BASP1: variants seen among roughly 807,000 people sequenced by gnomAD.
The protein encoded by BASP1 is brain abundant membrane attached signal protein 1, also known as brain acid soluble protein 1.
BASP1 carries 1 observed loss-of-function variant against 2.2 expected under a neutral mutation model. The observed-to-expected ratio is 0.46, with a 90% CI of 0.16 to 2.17. BASP1 has a LOEUF of 2.17. BASP1 is among the 30% of genes most tolerant of loss of function. BASP1 has a pLI of 0.27. For missense variants in BASP1, 352 were observed against 327.2 expected, an observed-to-expected ratio of 1.08 and a Z score of -0.58; for synonymous variants, 187 against 154.2, an observed-to-expected ratio of 1.21 and a Z score of -1.58.
intron 1 of BASP1, among the ~76,000 whole-genome samples, chr5:17,245,305 CTCAAAAAAA>C (rs1739955169): frequency 1.6e-5 from 1 of 64,332 alleles, no homozygotes; most frequent in Non-Finnish European, 4.0e-5. Flanking sequence ...GAGACTCCGT[CTCAAAAAAA>C]AAAAAAAAAA....
chr5:17,246,949 GGCTGAGGCCAGCGGATT>G (rs1228203815), intron 1 of BASP1, among the ~76,000 whole-genome samples: 5 of 152,194 alleles, frequency 3.3e-5, no homozygotes, highest in Non-Finnish European at 7.3e-5. Flanking sequence ...CACTTTGTGA[GGCTGAGGCCAGCGGATT>G]GCCTGAGTAC....
intron 1 of BASP1, among the ~76,000 whole-genome samples, chr5:17,250,471 G>A (rs1037962645): frequency 2.6e-5 from 4 of 152,170 alleles, no homozygotes; most frequent in African/African-American, 9.7e-5. Context: ...TCAATGAACA[G>A]ACTTGGCATT....
intron 1 of BASP1, among the ~76,000 whole-genome samples, chr5:17,221,963 C>T (rs1739401210): frequency 6.6e-6 from 1 of 152,028 alleles, no homozygotes; most frequent in Non-Finnish European, 1.5e-5. Context: ...GAATGGCTGG[C>T]TCTGAAGGGC....
rs776411071 is a variant in BASP1, at chr5:17,275,401, C to T, written c.185C>T (p.Ala62Val). ...GGCAAGGAGAAGCCCGACCAGGACG[C>T]CGAGGGCAAGGCCGAGGAGAAGGAG... is the stretch of plus-strand genomic sequence containing the variant. ...KEGKEKPDQD[A>V]EGKAEEKEGE... The change falls in exon 2 of 2, where the codon GCC becomes GTC. Residue 62 changes from alanine (A) to valine (V), a missense_variant. Physicochemically the swap from Ala to Val is moderately conservative, Grantham distance 64. Coordinates refer to ENST00000322611, the MANE Select transcript of BASP1 (RefSeq NM_006317.5). This position sits in a 1 kb window ranked among gnomAD's most constrained non-coding sequence, Gnocchi z 5.3. 45 of 1,577,120 alleles carry T rather than the reference C, an allele frequency of 2.9e-5. No individual in the cohort carries two copies. The highest frequency in any genetic ancestry group is 3.4e-5 in the Non-Finnish European group (40 of 1,162,778).
chr5:17,267,887 T>C (rs1172754998), intron 1 of BASP1, among the ~76,000 whole-genome samples: 1 of 145,980 alleles, frequency 6.9e-6, no homozygotes. Context: ...AAGCTTCACG[T>C]TGAAATGACG....
chr5:17,220,949 G>A (rs1380255849), intron 1 of BASP1, among the ~76,000 whole-genome samples: 7 of 152,106 alleles, frequency 4.6e-5, no homozygotes, highest in East Asian at 1.9e-4. Flanking sequence ...TGTTATTTAC[G>A]GTAGTTTTGT....
At chr5:17,238,098 T>C (rs900231275) in intron 1 of BASP1, among the ~76,000 whole-genome samples, 1 of 152,142 alleles carries the variant, frequency 6.6e-6, no homozygotes, top group Admixed American at 6.6e-5. Flanking sequence ...ATTGACACTT[T>C]ATTTGGTTTG....
intron 1 of BASP1, among the ~76,000 whole-genome samples, chr5:17,227,307 C>T (rs879765163): frequency 6.6e-6 from 1 of 151,970 alleles, no homozygotes; most frequent in Admixed American, 6.6e-5. Context: ...ACAACCTCTG[C>T]CTCCTGGGTT....
intron 1 of BASP1, among the ~76,000 whole-genome samples, chr5:17,218,454 C>G (rs985276196): frequency 4.6e-5 from 7 of 152,228 alleles, no homozygotes; most frequent in African/African-American, 1.7e-4. Context: ...CTCAGAAGCA[C>G]CTCCCGAGCA....
At chr5:17,269,376 C>CT (rs769261855) in intron 1 of BASP1, among the ~76,000 whole-genome samples, 10 of 152,166 alleles carry the variant, frequency 6.6e-5, no homozygotes, top group Non-Finnish European at 1.3e-4. Context: ...GATGCAAACA[C>CT]TTTTTGAGTT....
Position 17,276,816 on chromosome 5 carries a change from G to A in BASP1, c.*916G>A, listed in dbSNP as rs1486463944. On this transcript the variant is annotated 3_prime_UTR_variant, in exon 2 of 2. Coordinates refer to ENST00000322611, the MANE Select transcript of BASP1 (RefSeq NM_006317.5). ...GTATAAATGGTGCAACAGTAATAAA[G>A]TTAAACAATTAAAAAGAAGTAATAA... The A allele has an allele frequency of 6.0e-6, 1 of 166,452 alleles. No homozygotes were observed. Among genetic ancestry groups the A allele is most frequent in the African/African-American group, 2.4e-5 (1 of 41,258 alleles). 10.3% of individuals were successfully genotyped at this position (166,452 alleles called of 1,614,324 possible).
intron 1 of BASP1, among the ~76,000 whole-genome samples, chr5:17,274,344 GACTGAAT>G (rs1740585425): frequency 1.3e-5 from 2 of 152,112 alleles, no homozygotes; most frequent in Non-Finnish European, 2.9e-5. Context: ...TAAGAAGATA[GACTGAAT>G]CCTGTTTACC....
intron 1 of BASP1, among the ~76,000 whole-genome samples, chr5:17,271,314 G>GT (rs1476083759): frequency 4.6e-5 from 7 of 152,116 alleles, no homozygotes; most frequent in Non-Finnish European, 1.0e-4. Context: ...TAGAGACGGG[G>GT]TTTTGCCATG....
At chr5:17,217,071 T>TGTGTGAGAGAGAGAGAGAGA (rs1367601986), upstream of BASP1, 2 of 102,028 alleles carry the variant, frequency 2.0e-5, no homozygotes, top group African/African-American at 8.6e-5. Context: ...AGAGAGAGAG[T>TGTGTGAGAGAGAGAGAGAGA]GAGAGAGAGA....
At chr5:17,243,227 C>T (rs1739906359) in intron 1 of BASP1, among the ~76,000 whole-genome samples, 1 of 151,896 alleles carries the variant, frequency 6.6e-6, no homozygotes, top group Admixed American at 6.6e-5. Flanking sequence ...TGACTCACTG[C>T]AACCTCCACT....
At chr5:17,271,891 A>C (rs1324118262) in intron 1 of BASP1, among the ~76,000 whole-genome samples, 1 of 152,004 alleles carries the variant, frequency 6.6e-6, no homozygotes, top group African/African-American at 2.4e-5. Flanking sequence ...ACATGGTGAA[A>C]CCTCATCTGT....
intron 1 of BASP1, among the ~76,000 whole-genome samples, chr5:17,263,340 G>T (rs913541238): frequency 1.3e-5 from 2 of 150,610 alleles, no homozygotes; most frequent in East Asian, 2.0e-4. Flanking sequence ...TCACTATTTT[G>T]CCCAGGCTGG....
chr5:17,246,011 ACAC>A (rs928877969), intron 1 of BASP1, among the ~76,000 whole-genome samples: 3 of 152,184 alleles, frequency 2.0e-5, no homozygotes, highest in African/African-American at 7.2e-5. Flanking sequence ...AAAGAAAAAA[ACAC>A]CACGGTTAGA....
Position 17,275,523 on chromosome 5 carries a change from G to C in BASP1, c.307G>C (p.Ala103Pro), listed in dbSNP as rs1740626390. 5.6e-6 allele frequency: 8 copies of C among 1,436,206 alleles called. No individual in the cohort carries two copies. The highest frequency in any genetic ancestry group is 7.3e-6 in the Non-Finnish European group (8 of 1,099,150). 89.0% of individuals were successfully genotyped at this position (1,436,206 alleles called of 1,614,324 possible). Residue 103 changes from alanine to proline, a missense_variant, in exon 2 of 2, where the codon GCG (alanine) becomes CCG (proline). By Grantham distance (27) the Ala-to-Pro change is conservative (BLOSUM62 -1). Transcript: ENST00000322611. The surrounding 1 kb of genome is among the most constrained non-coding windows in gnomAD (Gnocchi z 5.3). The part of the protein sequence containing the change: ...AAEAKAEPPK[A>P]PEQEQAAPGP... Reference sequence around the variant, plus strand: ...AGAGGCCAAGGCTGAGCCCCCGAAGGCGCCCGAGCAGGAGCAGGCGGCCCC... The same window carrying C: ...AGAGGCCAAGGCTGAGCCCCCGAAGCCGCCCGAGCAGGAGCAGGCGGCCCC...
Sources: gnomAD v4.1 joint callset for allele counts (sites outside exome capture counted in the v4.1 genomes callset) on GRCh38, gnomAD v4.1.1 for gene constraint, Gnocchi (gnomAD v3.1) non-coding constraint, MANE v1.5 for transcripts, NCBI Gene and HGNC (gene_info 2026-07-23, HGNC 2026-07-21) for gene names.